GRM7: variants seen among roughly 807,000 people sequenced by gnomAD.
The protein encoded by GRM7 is glutamate metabotropic receptor 7, also known as metabotropic glutamate receptor 7.
Under a neutral mutation model 84.5 loss-of-function variants are expected in GRM7, and 35 were observed. That is an observed-to-expected ratio of 0.41 (90% CI 0.32 to 0.55). GRM7 has a LOEUF of 0.55. Among genes scored for constraint, GRM7 ranks in the 20% least tolerant of loss-of-function variants. The pLI is 0.19. For missense variants in GRM7, 1,003 were observed against 1,194.6 expected (o/e 0.84, Z 2.36); for synonymous variants, 487 against 455.1 (o/e 1.07, Z -0.89).
chr3:7,646,423 A>G (rs562885032), intron 8 of GRM7, among the ~76,000 whole-genome samples: 179 of 151,904 alleles, frequency 1.2e-3, no homozygotes, highest in Middle Eastern at 3.4e-3. Context: ...CGAACTCCTG[A>G]CCTGATGATC....
chr3:7,049,611 C>CA (rs896722684), intron 1 of GRM7, among the ~76,000 whole-genome samples: 53 of 151,712 alleles, frequency 3.5e-4, no homozygotes, highest in African/African-American at 1.2e-3. Flanking sequence ...AACATTTCCA[C>CA]AAAAAATAAA....
chr3:7,139,753 C>T (rs1693886230), intron 1 of GRM7, among the ~76,000 whole-genome samples: 1 of 151,826 alleles, frequency 6.6e-6, no homozygotes, highest in South Asian at 2.1e-4. Context: ...TTGATATTGG[C>T]CTTGGCAATG....
At chr3:7,039,168 G>C (rs998686864) in intron 1 of GRM7, among the ~76,000 whole-genome samples, 4 of 152,120 alleles carry the variant, frequency 2.6e-5, no homozygotes, top group African/African-American at 9.7e-5. Context: ...AAACAACCTA[G>C]CTGAGCTTGC....
chr3:7,661,959 T>A (rs1046269071), intron 8 of GRM7, among the ~76,000 whole-genome samples: 5 of 151,856 alleles, frequency 3.3e-5, no homozygotes, highest in African/African-American at 4.8e-5. Flanking sequence ...GTCCTACACA[T>A]GAATATTAGT....
intron 1 of GRM7, among the ~76,000 whole-genome samples, chr3:7,121,958 AC>A (rs1246155531): frequency 6.6e-6 from 1 of 151,958 alleles, no homozygotes; most frequent in Non-Finnish European, 1.5e-5. Context: ...AAGAGAGTTC[AC>A]CCCTCATGCT....
chr3:7,656,547 G>GCACACACACGCGCACA (rs1699203242), intron 8 of GRM7, among the ~76,000 whole-genome samples: 1 of 139,252 alleles, frequency 7.2e-6, no homozygotes, highest in Non-Finnish European at 1.5e-5. Flanking sequence ...ATACGCGCGC[G>GCACACACACGCGCACA]CACACACACA....
chr3:7,089,209 A>G (rs1698571729), intron 1 of GRM7, among the ~76,000 whole-genome samples: 2 of 152,220 alleles, frequency 1.3e-5, no homozygotes, highest in South Asian at 2.1e-4. Context: ...CAGGGATAGC[A>G]TAAAATCTAT....
At chr3:7,569,238 G>A (rs971742664) in intron 7 of GRM7, among the ~76,000 whole-genome samples, 1 of 152,056 alleles carries the variant, frequency 6.6e-6, no homozygotes, top group Non-Finnish European at 1.5e-5. Flanking sequence ...GTGGGGACTT[G>A]GAGAACCTTT....
intron 4 of GRM7, among the ~76,000 whole-genome samples, chr3:7,353,383 A>G (rs1427413379): frequency 6.6e-6 from 1 of 152,102 alleles, no homozygotes; most frequent in Non-Finnish European, 1.5e-5. Flanking sequence ...GGCTAAATGT[A>G]TTGATATGGG....
At chr3:7,341,355 C>A (rs571420474) in intron 4 of GRM7, among the ~76,000 whole-genome samples, 1 of 146,420 alleles carries the variant, frequency 6.8e-6, no homozygotes, top group Non-Finnish European at 1.5e-5. Context: ...TTACAAATAA[C>A]GGTAAAATTC....
Position 7,229,722 on chromosome 3 carries a change from C to CATATAT in GRM7, c.737-68961_737-68960insTATATA, listed in dbSNP as rs772166647. 1.4e-3 allele frequency among the ~76,000 whole-genome samples: 37 copies of CATATAT among 25,754 alleles called. No individual in the cohort carries two copies. In the East Asian group the frequency reaches 0.015, roughly 11 times the overall value. 16.9% of individuals were successfully genotyped at this position (25,754 alleles called of 152,430 possible). On this transcript the variant is annotated intron_variant, in intron 2 of 9. Coordinates refer to ENST00000357716, the MANE Select transcript of GRM7 (RefSeq NM_000844.4). Reference sequence around the variant, plus strand: ...TCCCCAACCCCGCTCTCCATAGACACACACATATATATATATATATATATA... The same window carrying CATATAT: ...TCCCCAACCCCGCTCTCCATAGACACATATATACACATATATATATATATATATATA...
At chr3:7,570,112 C>T (rs917330358) in intron 7 of GRM7, among the ~76,000 whole-genome samples, 10 of 152,198 alleles carry the variant, frequency 6.6e-5, no homozygotes, top group Admixed American at 5.9e-4. Context: ...CACCAAGTTT[C>T]TCCCACAACA....
At chr3:7,564,922 C>G (rs894735157) in intron 7 of GRM7, among the ~76,000 whole-genome samples, 24 of 152,134 alleles carry the variant, frequency 1.6e-4, no homozygotes, top group African/African-American at 5.8e-4. Context: ...TCAGGGACTA[C>G]TGAAATCATG....
chr3:7,704,267 T>G (rs750994709), intron 9 of GRM7, among the ~76,000 whole-genome samples: 1 of 152,222 alleles, frequency 6.6e-6, no homozygotes, highest in Non-Finnish European at 1.5e-5. Flanking sequence ...TTCAACGTTT[T>G]AAAATAAAAC....
intron 4 of GRM7, among the ~76,000 whole-genome samples, chr3:7,365,348 C>T (rs560103292): frequency 6.6e-6 from 1 of 151,682 alleles, no homozygotes; most frequent in Non-Finnish European, 1.5e-5. Context: ...TCTCTCTCAT[C>T]TGTTCTTCAG....
At chr3:7,058,105 C>T (rs1697294766) in intron 1 of GRM7, among the ~76,000 whole-genome samples, 1 of 151,668 alleles carries the variant, frequency 6.6e-6, no homozygotes, top group South Asian at 2.1e-4. Flanking sequence ...ATTCAGATGC[C>T]TTTTTATTGA....
chr3:7,161,448 G>C (rs1371239985), intron 2 of GRM7, among the ~76,000 whole-genome samples: 3 of 148,928 alleles, frequency 2.0e-5, no homozygotes, highest in African/African-American at 7.4e-5. Flanking sequence ...AGAGAAATGT[G>C]TGGGTCACTT....
At chr3:7,450,231 G>A (rs1262897653) in intron 5 of GRM7, among the ~76,000 whole-genome samples, 2 of 152,064 alleles carry the variant, frequency 1.3e-5, no homozygotes, top group Non-Finnish European at 2.9e-5. Context: ...AATACACTGT[G>A]GTAGCCTTTC....
At chr3:7,022,836 C>T (rs964917524) in intron 1 of GRM7, among the ~76,000 whole-genome samples, 1 of 152,036 alleles carries the variant, frequency 6.6e-6, no homozygotes, top group African/African-American at 2.4e-5. Flanking sequence ...GAAAAATCAA[C>T]TGACAAAAGG....
Sources: allele counts gnomAD v4.1 joint callset (sites outside exome capture counted in the v4.1 genomes callset), GRCh38; gene constraint gnomAD v4.1.1; transcripts MANE v1.5; gene names NCBI Gene and HGNC (gene_info 2026-07-23, HGNC 2026-07-21).